RPL28: variants seen among roughly 807,000 people sequenced by gnomAD.
RPL28 encodes the protein large ribosomal subunit protein eL28.
In RPL28, 4 loss-of-function variants were observed where a neutral mutation model predicts 12.5. The ratio of observed to expected loss-of-function variants is 0.32; its 90% CI spans 0.16 to 0.73. The LOEUF (loss-of-function observed/expected upper bound fraction) is 0.73. Ranked by LOEUF, RPL28 falls within the 30% of genes least tolerant of loss-of-function variation. The probability of loss-of-function intolerance (pLI) is 0.66; values close to 1 mark genes in which losing one functional copy is unlikely to be tolerated. For synonymous variants in RPL28, 91 were observed against 72.5 expected (o/e 1.26, Z -1.30); for missense variants, 214 against 197.7 (o/e 1.08, Z -0.49).
chr19:55,386,449 C>T lies in RPL28; in HGVS notation c.81+11C>T, dbSNP rs75217637. The T allele has an allele frequency of 6.9e-3, 11,154 of 1,613,432 alleles. 104 individuals are homozygous for T. The highest frequency in any genetic ancestry group is 0.034 in the South Asian group (3,134 of 91,068). ...CAGACCTACAGCACTGTAAGTGGGG[C>T]CCGGATGCGTGGCTCCTGCGGGAGG... is the stretch of plus-strand genomic sequence containing the variant. On this transcript the variant is annotated intron_variant, in intron 2 of 4. Transcript: ENST00000344063.
chr19:55,395,511 T>C (rs1185192389), downstream of RPL28, among the ~76,000 whole-genome samples: 2 of 149,812 alleles, frequency 1.3e-5, no homozygotes, highest in East Asian at 2.0e-4. Context: ...TGGCGCCATC[T>C]CGGCTCACTG....
intron 4 of RPL28, among the ~76,000 whole-genome samples, chr19:55,397,365 T>C (rs2090030769): frequency 6.6e-6 from 1 of 152,214 alleles, no homozygotes; most frequent in Non-Finnish European, 1.5e-5. Flanking sequence ...TTCTGCTGTT[T>C]GTAATCGGGA....
exon 5 of RPL28, chr19:55,402,943 C>G: frequency 6.6e-7 from 1 of 1,515,030 alleles, no homozygotes; most frequent in Non-Finnish European, 8.8e-7. Context: ...TTTTTTTCAG[C>G]TTGCGGGAAG....
Position 55,388,229 on chromosome 19 carries a change from TC to T in RPL28, c.325-9del. Reference sequence around the variant, plus strand: ...GTGTATGGGCTGAGCCTTGCTCTGCTCCCCCGCCCCCAGGCAGCCATCCGCA... The same window carrying T: ...GTGTATGGGCTGAGCCTTGCTCTGCTCCCCGCCCCCAGGCAGCCATCCGCA... On this transcript the variant is annotated splice_polypyrimidine_tract_variant and intron_variant, in intron 4 of 4. Transcript: ENST00000344063. 2 of 1,516,396 alleles carry T rather than the reference TC, an allele frequency of 1.3e-6. No individual in the cohort carries two copies. The highest frequency in any genetic ancestry group is 2.3e-5 in the Admixed American group (1 of 43,390). The allele number at this position is 1,516,396 out of a possible 1,614,324, so 93.9% of individuals were successfully genotyped here. A position where few individuals can be genotyped will look rare whatever the true frequency, so the allele number is the denominator to read the frequency against.
chr19:55,388,069 C>T, intron 4 of RPL28, 21 bp downstream of exon 4: 2 of 1,613,428 alleles, frequency 1.2e-6, no homozygotes, highest in Non-Finnish European at 1.7e-6. Flanking sequence ...GTTTGGGGAT[C>T]AGGCTTGGGG....
chr19:55,401,822 C>T (rs1426642438), intron 4 of RPL28: 11 of 1,586,100 alleles, frequency 6.9e-6, no homozygotes, highest in South Asian at 1.1e-5. Flanking sequence ...CCCCAGGCCT[C>T]CACAAGAGGG....
chr19:55,389,177 G>A lies in RPL28; in HGVS notation c.*845G>A. 1 of 974,152 alleles carries A rather than the reference G, an allele frequency of 1.0e-6. No homozygotes were observed. Among genetic ancestry groups the A allele is most frequent in the Non-Finnish European group, 1.2e-6 (1 of 819,894 alleles). 60.3% of individuals were successfully genotyped at this position (974,152 alleles called of 1,614,324 possible). On this transcript the variant is annotated 3_prime_UTR_variant, in exon 5 of 5. Transcript: ENST00000344063. Reference sequence around the variant, plus strand: ...TTGAGACCATCCTAGGCAACATAATGAGACACCGTCTCTAAAATAAAATTA... The same window carrying A: ...TTGAGACCATCCTAGGCAACATAATAAGACACCGTCTCTAAAATAAAATTA...
chr19:55,386,852 TGTC>T (rs750063282), intron 3 of RPL28, 159 bp downstream of exon 3: 1 of 1,558,280 alleles, frequency 6.4e-7, no homozygotes, highest in Non-Finnish European at 8.7e-7. Flanking sequence ...TCGGCCGACT[TGTC>T]AGCTCTGTGA....
chr19:55,395,509 T>C (rs976873371), downstream of RPL28, among the ~76,000 whole-genome samples: 10 of 150,238 alleles, frequency 6.7e-5, no homozygotes, highest in Non-Finnish European at 7.4e-5. Context: ...AGTGGCGCCA[T>C]CTCGGCTCAC....
chr19:55,386,352 G>C lies in RPL28; in HGVS notation c.-6G>C. On this transcript the variant is annotated splice_region_variant and 5_prime_UTR_variant, in exon 2 of 5. Transcript: ENST00000344063. The stretch of plus-strand genomic sequence containing the variant: ...TCCCTGTGCCCGTTTCCCCGCAGCC[G>C]CCGCCATGTCTGCGCATCTGCAATG... The C allele has an allele frequency of 6.2e-7, 1 of 1,613,646 alleles. No homozygotes were observed.
chr19:55,391,759 A>AGT lies in RPL28; in HGVS notation c.*3427_*3428insGT, dbSNP rs773446204. On this transcript the variant is annotated 3_prime_UTR_variant, in exon 5 of 5. Coordinates refer to ENST00000344063, the MANE Select transcript of RPL28 (RefSeq NM_000991.5). Reference sequence around the variant, plus strand: ...TCCTGATTGTAGGAATAAATTAATGACTTTTTATAAATATTTTGATCAGAT... The same window carrying AGT: ...TCCTGATTGTAGGAATAAATTAATGAGTCTTTTTATAAATATTTTGATCAGAT... 1.9e-5 allele frequency: 28 copies of AGT among 1,480,652 alleles called. No individual in the cohort carries two copies. In the African/African-American group the frequency reaches 4.3e-4, roughly 23 times the overall value. The allele number at this position is 1,480,652 out of a possible 1,614,324, so 91.7% of individuals were successfully genotyped here. A position where few individuals can be genotyped will look rare whatever the true frequency, so the allele number is the denominator to read the frequency against.
rs2090061952 is a variant in RPL28 at position 55,401,850 on chromosome 19, G to A, written c.325-1093G>A. 4 of 1,402,248 alleles carry A rather than the reference G, an allele frequency of 2.9e-6. No homozygotes were observed. In the Admixed American group the frequency reaches 7.5e-5, roughly 26 times the overall value. The allele number at this position is 1,402,248 out of a possible 1,614,324, so 86.9% of individuals were successfully genotyped here. ...CAAGAGGGTGGCCTCCGCACTGGCT[G>A]TTCCTTCTGCTCCCAACTCAGCTGC... On this transcript the variant is annotated intron_variant, in intron 4 of 4. Transcript: ENST00000560055.
chr19:55,393,856 G>T (rs2090007219), downstream of RPL28, among the ~76,000 whole-genome samples: 1 of 151,894 alleles, frequency 6.6e-6, no homozygotes, highest in Non-Finnish European at 1.5e-5. Context: ...CACCATGTTG[G>T]CCAGGCTGGT....
downstream of RPL28, among the ~76,000 whole-genome samples, chr19:55,396,726 G>A (rs1035639601): frequency 8.1e-5 from 12 of 148,112 alleles, no homozygotes; most frequent in African/African-American, 2.7e-4. Context: ...GACTACAGGT[G>A]CCCACCACCA....
At chr19:55,387,030 G>A (rs2089937490) in intron 3 of RPL28, 1 of 1,442,652 alleles carries the variant, frequency 6.9e-7, no homozygotes, top group Admixed American at 2.8e-5. Flanking sequence ...CCACAGGTGG[G>A]AAGATTGAGG....
intron 2 of RPL28, 22 bp from the exon 3 acceptor site, chr19:55,386,548 C>G (rs767610134): frequency 1.9e-6 from 3 of 1,600,682 alleles, no homozygotes; most frequent in Non-Finnish European, 8.6e-7. Context: ...ATTCACGATG[C>G]CTTGTGCCGC....
rs1364731765 is a variant in RPL28 at position 55,388,340 on chromosome 19, G to T, written c.*8G>T. 1 of 1,514,660 alleles carries T rather than the reference G, an allele frequency of 6.6e-7. No individual in the cohort carries two copies. Among genetic ancestry groups the T allele is most frequent in the South Asian group, 1.3e-5 (1 of 76,998 alleles). 93.8% of individuals were successfully genotyped at this position (1,514,660 alleles called of 1,614,324 possible). A position where few individuals can be genotyped will look rare whatever the true frequency, so the allele number is the denominator to read the frequency against. ...CCCACCAAGAGCTCCTGAGCCCCCTGCCCCCAGAGCAATAAAGTCAGCTGG... is the reference window on the plus strand; with the variant it reads ...CCCACCAAGAGCTCCTGAGCCCCCTTCCCCCAGAGCAATAAAGTCAGCTGG... On this transcript the variant is annotated 3_prime_UTR_variant, in exon 5 of 5. Transcript: ENST00000344063.
At position 55,388,507 on chromosome 19, in the gene RPL28, C is replaced by G; in HGVS notation, c.*175C>G. 2 of 1,304,868 alleles carry G rather than the reference C, an allele frequency of 1.5e-6. No individual in the cohort carries two copies. The highest frequency in any genetic ancestry group is 2.0e-6 in the Non-Finnish European group (2 of 1,023,022). 80.8% of individuals were successfully genotyped at this position (1,304,868 alleles called of 1,614,324 possible). ...GAGGTGATGTCAATGGCTGGCCATGCAGGAGGGGTGGGGTAGCTGCCTTGT... is the reference window on the plus strand; with the variant it reads ...GAGGTGATGTCAATGGCTGGCCATGGAGGAGGGGTGGGGTAGCTGCCTTGT... On this transcript the variant is annotated 3_prime_UTR_variant, in exon 5 of 5. Transcript: ENST00000344063.
intron 4 of RPL28, among the ~76,000 whole-genome samples, chr19:55,399,510 G>A (rs1295042536): frequency 2.6e-5 from 4 of 152,170 alleles, no homozygotes; most frequent in Non-Finnish European, 4.4e-5. Flanking sequence ...GGGCATATTA[G>A]ACAAATCATT....
Sources: gnomAD v4.1 joint callset for allele counts (sites outside exome capture counted in the v4.1 genomes callset) on GRCh38, gnomAD v4.1.1 for gene constraint, MANE v1.5 for transcripts, NCBI Gene and HGNC (gene_info 2026-07-23, HGNC 2026-07-21) for gene names.